Variants in PCDH15 observed in about 807,000 individuals in gnomAD.
The protein encoded by PCDH15 is protocadherin related 15.
In PCDH15, 129 loss-of-function variants were observed where a neutral mutation model predicts 178.5. The ratio of observed to expected loss-of-function variants is 0.72; its 90% CI spans 0.63 to 0.84. The LOEUF (loss-of-function observed/expected upper bound fraction) is 0.84, where lower values mean the gene tolerates loss of function less well. PCDH15 is among the 40% of genes least tolerant of loss of function. The pLI is 0.00. For synonymous variants in PCDH15, 800 were observed against 732.0 expected, an observed-to-expected ratio of 1.09 and a Z score of -1.50; for missense variants, 2,230 against 2,099.9, an observed-to-expected ratio of 1.06 and a Z score of -1.21.
chr10:55,576,995 G>A (rs1842508969), intron 2 of PCDH15, among the ~76,000 whole-genome samples: 1 of 152,164 alleles, frequency 6.6e-6, no homozygotes, highest in South Asian at 2.1e-4. Flanking sequence ...TGTAATCCCA[G>A]CACTTTGGGA....
chr10:54,006,104 C>A (rs1452577138), intron 20 of PCDH15, among the ~76,000 whole-genome samples: 1 of 152,146 alleles, frequency 6.6e-6, no homozygotes. Flanking sequence ...GGGAGAGATT[C>A]TTTACTACGT....
At chr10:54,222,459 T>A (rs2052947371) in intron 9 of PCDH15, among the ~76,000 whole-genome samples, 1 of 152,252 alleles carries the variant, frequency 6.6e-6, no homozygotes, top group Admixed American at 6.5e-5. Context: ...CTGGCTTCTT[T>A]CAACTCAGTA....
At chr10:54,904,950 T>C (rs1954695257) in intron 2 of PCDH15, among the ~76,000 whole-genome samples, 1 of 145,280 alleles carries the variant, frequency 6.9e-6, no homozygotes, top group African/African-American at 2.4e-5. Flanking sequence ...AATTAGCTTT[T>C]GTTCCTTGAG....
At chr10:55,313,815 T>A (rs1387922127) in intron 1 of PCDH15, among the ~76,000 whole-genome samples, 1 of 152,116 alleles carries the variant, frequency 6.6e-6, no homozygotes, top group Admixed American at 6.5e-5. Flanking sequence ...CCAATTATGT[T>A]GAAAAACATG....
At chr10:54,231,558 T>A (rs1333072444) in intron 9 of PCDH15, among the ~76,000 whole-genome samples, 1 of 152,176 alleles carries the variant, frequency 6.6e-6, no homozygotes, top group Non-Finnish European at 1.5e-5. Context: ...AGAAGGCAAC[T>A]ATTCTCCAGA....
intron 5 of PCDH15, among the ~76,000 whole-genome samples, chr10:54,350,590 T>C (rs895448869): frequency 1.8e-4 from 27 of 152,104 alleles, no homozygotes; most frequent in Non-Finnish European, 3.1e-4. Context: ...TGGGCAAACA[T>C]GGGAGGTCTG....
chr10:54,514,893 G>A (rs2082055762), intron 3 of PCDH15, among the ~76,000 whole-genome samples: 1 of 152,146 alleles, frequency 6.6e-6, no homozygotes, highest in South Asian at 2.1e-4. Context: ...TGTTATAATA[G>A]TGTTCCATAA....
At chr10:54,300,537 G>A (rs557160593) in intron 8 of PCDH15, among the ~76,000 whole-genome samples, 31 of 152,156 alleles carry the variant, frequency 2.0e-4, no homozygotes, top group African/African-American at 4.8e-4. Flanking sequence ...CCCCTTCTTC[G>A]CCCCTATCCG....
At chr10:55,031,647 G>GT (rs1272934143) in intron 2 of PCDH15, among the ~76,000 whole-genome samples, 2 of 152,116 alleles carry the variant, frequency 1.3e-5, no homozygotes, top group Non-Finnish European at 2.9e-5. Flanking sequence ...AGAAGGTGAG[G>GT]TTTTTTAGAG....
rs140759733 is a variant in PCDH15, at chr10:54,332,771, G to A, written c.595-3065C>T. Among the ~76,000 whole-genome samples, 35 of 151,848 alleles carry A rather than the reference G, an allele frequency of 2.3e-4. 1 individual carries two copies. The East Asian group carries it at 5.0e-3, about 22-fold the overall frequency. The stretch of plus-strand genomic sequence containing the variant: ...GAATCTTTGCAATACTTTTTTTGTT[G>A]TTGACAGTTTTCATTGGACGTTTGT... On this transcript the variant is annotated intron_variant, in intron 6 of 37. Transcript: ENST00000644397.
intron 2 of PCDH15, among the ~76,000 whole-genome samples, chr10:55,373,421 T>A (rs1845552128): frequency 6.6e-6 from 1 of 151,900 alleles, no homozygotes; most frequent in South Asian, 2.1e-4. Flanking sequence ...AAAATATAGG[T>A]GCAAATAGGG....
chr10:54,966,245 A>G (rs1838784966), intron 2 of PCDH15, among the ~76,000 whole-genome samples: 1 of 151,858 alleles, frequency 6.6e-6, no homozygotes. Flanking sequence ...GCAGCAAGGT[A>G]AAAAAAATCT....
At chr10:55,024,058 T>A (rs1270343007) in intron 2 of PCDH15, among the ~76,000 whole-genome samples, 2 of 91,148 alleles carry the variant, frequency 2.2e-5, no homozygotes, top group Non-Finnish European at 2.2e-5. Context: ...CAGATGTATA[T>A]CTGTGTACAC....
intron 11 of PCDH15, among the ~76,000 whole-genome samples, chr10:54,195,464 T>C (rs1243447843): frequency 1.3e-5 from 2 of 152,208 alleles, no homozygotes; most frequent in African/African-American, 2.4e-5. Flanking sequence ...TTTTCTTACA[T>C]ATACTGAATA....
intron 20 of PCDH15, among the ~76,000 whole-genome samples, chr10:53,996,142 G>A (rs2091834906): frequency 6.6e-6 from 1 of 151,962 alleles, no homozygotes; most frequent in African/African-American, 2.4e-5. Context: ...AGGCGTAAAA[G>A]ATTTTTTTTA....
At chr10:55,510,711 C>T (rs2132151103) in intron 2 of PCDH15, among the ~76,000 whole-genome samples, 1 of 151,718 alleles carries the variant, frequency 6.6e-6, no homozygotes, top group East Asian at 1.9e-4. Flanking sequence ...TTTCCTTCTG[C>T]TGAGACCTCA....
intron 2 of PCDH15, among the ~76,000 whole-genome samples, chr10:55,432,102 CACACACACACA>C (rs1275302778): frequency 6.7e-5 from 10 of 149,120 alleles, no homozygotes; most frequent in African/African-American, 1.0e-4. Flanking sequence ...CACACACACA[CACACACACACA>C]CCACAAGTCT....
intron 10 of PCDH15, among the ~76,000 whole-genome samples, chr10:54,210,729 G>C (rs1024581917): frequency 1.4e-4 from 21 of 151,760 alleles, no homozygotes; most frequent in African/African-American, 5.1e-4. Context: ...TGGAACAGAG[G>C]GTGTGCAAGT....
At chr10:54,607,755 G>A (rs373702027) in intron 2 of PCDH15, 5 of 354,642 alleles carry the variant, frequency 1.4e-5, no homozygotes, top group Non-Finnish European at 5.5e-6. Flanking sequence ...ATAAATCAAT[G>A]GTAACTTTAA....
Sources: gnomAD v4.1 joint callset for allele counts (sites outside exome capture counted in the v4.1 genomes callset) on GRCh38, gnomAD v4.1.1 for gene constraint, MANE v1.5 for transcripts, NCBI Gene and HGNC (gene_info 2026-07-23, HGNC 2026-07-21) for gene names.